PTPRD: variants seen among roughly 807,000 people sequenced by gnomAD.
The protein encoded by PTPRD is receptor-type tyrosine-protein phosphatase delta.
PTPRD carries 34 observed loss-of-function variants against 214.5 expected under a neutral mutation model. The observed-to-expected ratio is 0.16, with a 90% CI of 0.12 to 0.21. The LOEUF (loss-of-function observed/expected upper bound fraction) is 0.21. Among genes scored for constraint, PTPRD ranks in the 10% least tolerant of loss-of-function variants. The pLI is 1.00. For synonymous variants in PTPRD, 1,128 were observed against 845.7 expected (o/e 1.33, Z -5.79); for missense variants, 2,545 against 2,398.7 (o/e 1.06, Z -1.27).
rs528179308 is a variant in PTPRD at position 9,656,376 on chromosome 9, G to C, written c.-287+78157C>G. Among the ~76,000 whole-genome samples, 47 of 152,222 alleles carry C rather than the reference G, an allele frequency of 3.1e-4. 1 individual carries two copies. The South Asian group carries it at 9.7e-3, about 32-fold the overall frequency. On this transcript the variant is annotated intron_variant, in intron 7 of 45. Coordinates refer to ENST00000381196, the MANE Select transcript of PTPRD (RefSeq NM_002839.4). ...GAAACTCCAAGATGTCCTTCAGTAG[G>C]TAAATGTACAAATACACTGATACAT...
intron 44 of PTPRD, among the ~76,000 whole-genome samples, chr9:8,323,608 T>G (rs866015961): frequency 7.3e-6 from 1 of 136,938 alleles, no homozygotes; most frequent in Non-Finnish European, 1.5e-5. Context: ...AATGGTGGAA[T>G]AGCAAGATAA....
At position 8,353,509 on chromosome 9, in the gene PTPRD, C is replaced by T. The variant is rs146858920; in HGVS notation, c.4662-11531G>A. On this transcript the variant is annotated intron_variant, in intron 39 of 45. Coordinates refer to ENST00000381196, the MANE Select transcript of PTPRD (RefSeq NM_002839.4). ...GTGTGCTGGTGTGATCTCGGCTCAT[C>T]GTAAACTCCGTTTCCTGGGTTCAAG... Among the ~76,000 whole-genome samples the T allele has an allele frequency of 6.1e-4, 93 of 151,874 alleles. 1 individual carries two copies. The highest frequency in any genetic ancestry group is 1.8e-3 in the African/African-American group (75 of 41,428).
chr9:9,346,325 C>A (rs1390851827), intron 9 of PTPRD, among the ~76,000 whole-genome samples: 2 of 152,096 alleles, frequency 1.3e-5, no homozygotes, highest in African/African-American at 4.8e-5. Context: ...GGTCAATATT[C>A]ATGTGACTCA....
chr9:9,115,555 T>A (rs935504042), intron 10 of PTPRD, among the ~76,000 whole-genome samples: 1 of 152,138 alleles, frequency 6.6e-6, no homozygotes, highest in Non-Finnish European at 1.5e-5. Context: ...ACAGCCTCTA[T>A]GGAAAACAAT....
intron 8 of PTPRD, among the ~76,000 whole-genome samples, chr9:9,564,037 G>A (rs887852975): frequency 2.0e-5 from 3 of 152,038 alleles, no homozygotes; most frequent in African/African-American, 4.8e-5. Context: ...TATTTACCAA[G>A]TTTTCCAGCT....
chr9:9,538,688 C>T (rs900102215), intron 8 of PTPRD, among the ~76,000 whole-genome samples: 3 of 151,856 alleles, frequency 2.0e-5, no homozygotes, highest in Non-Finnish European at 4.4e-5. Context: ...AATATTGATG[C>T]ATTTTTAAAT....
chr9:9,528,940 T>C (rs1391599271), intron 8 of PTPRD, among the ~76,000 whole-genome samples: 3 of 144,790 alleles, frequency 2.1e-5, no homozygotes, highest in Admixed American at 1.4e-4. Flanking sequence ...GTTTGTTTCT[T>C]TTTTTTTTTT....
intron 9 of PTPRD, among the ~76,000 whole-genome samples, chr9:9,251,370 C>A (rs960022823): frequency 6.6e-6 from 1 of 152,076 alleles, no homozygotes; most frequent in Non-Finnish European, 1.5e-5. Flanking sequence ...AGCAATATAT[C>A]TTCTATATCC....
chr9:8,396,414 T>C (rs774357740), intron 36 of PTPRD, among the ~76,000 whole-genome samples: 3 of 152,134 alleles, frequency 2.0e-5, no homozygotes, highest in Non-Finnish European at 1.5e-5. Context: ...GCTACCTGTA[T>C]CTATATTCTA....
chr9:9,684,761 C>T (rs1041563023), intron 7 of PTPRD, among the ~76,000 whole-genome samples: 36 of 151,168 alleles, frequency 2.4e-4, no homozygotes, highest in African/African-American at 8.7e-4. Flanking sequence ...GGATTATTCG[C>T]TCTAATTCAG....
rs569281193 is a variant in PTPRD at position 9,030,792 on chromosome 9, GA to G, written c.-142-12058del. Among the ~76,000 whole-genome samples, 7 of 152,064 alleles carry G rather than the reference GA, an allele frequency of 4.6e-5. No individual in the cohort carries two copies. In the East Asian group the frequency reaches 1.4e-3, roughly 30 times the overall value. ...AAGATACTTAAAAGGTTATAAAAAT[GA>G]ATCCAATATGTATCCTGTATACTCT... On this transcript the variant is annotated intron_variant, in intron 10 of 45. Coordinates refer to ENST00000381196, the MANE Select transcript of PTPRD (RefSeq NM_002839.4).
chr9:10,226,371 T>C (rs1338233144), intron 3 of PTPRD, among the ~76,000 whole-genome samples: 1 of 151,872 alleles, frequency 6.6e-6, no homozygotes, highest in East Asian at 1.9e-4. Context: ...AATATAGTCC[T>C]CCCTCCAGTT....
chr9:10,347,810 C>T (rs950970900), intron 2 of PTPRD, among the ~76,000 whole-genome samples: 2 of 152,004 alleles, frequency 1.3e-5, no homozygotes, highest in African/African-American at 4.8e-5. Context: ...GTAATCCAAG[C>T]ACTTTGGGAG....
chr9:9,302,601 C>CTTTTTTTTTTTTTTTTTT (rs3047853), intron 9 of PTPRD, among the ~76,000 whole-genome samples: 5 of 111,884 alleles, frequency 4.5e-5, no homozygotes, highest in Admixed American at 1.0e-4. Context: ...TTTTTTTTTT[C>CTTTTTTTTTTTTTTTTTT]TTTTTTTTTT....
chr9:10,550,347 G>A (rs939328423), intron 2 of PTPRD, among the ~76,000 whole-genome samples: 42 of 152,186 alleles, frequency 2.8e-4, no homozygotes, highest in Non-Finnish European at 3.5e-4. Context: ...GCGTGATGCT[G>A]AGGTGTAATT....
At chr9:10,317,085 G>A (rs1291546930) in intron 3 of PTPRD, among the ~76,000 whole-genome samples, 1 of 151,898 alleles carries the variant, frequency 6.6e-6, no homozygotes, top group Non-Finnish European at 1.5e-5. Flanking sequence ...CGTACACAGT[G>A]GGTTTATTTC....
intron 14 of PTPRD, among the ~76,000 whole-genome samples, chr9:8,584,311 C>T (rs887276755): frequency 5.9e-5 from 9 of 152,088 alleles, no homozygotes; most frequent in African/African-American, 1.9e-4. Flanking sequence ...TCTATAAATA[C>T]GATGTCTTTT....
chr9:8,802,669 C>T (rs992972655), intron 11 of PTPRD, among the ~76,000 whole-genome samples: 3 of 152,116 alleles, frequency 2.0e-5, no homozygotes, highest in Admixed American at 6.6e-5. Context: ...TGTTTTTATT[C>T]GGAAAAGGCC....
chr9:10,369,350 C>A (rs1034784919), intron 2 of PTPRD, among the ~76,000 whole-genome samples: 2 of 152,024 alleles, frequency 1.3e-5, no homozygotes, highest in Non-Finnish European at 2.9e-5. Flanking sequence ...AGGTGTGCTT[C>A]AATTCTCATA....
Sources: allele counts gnomAD v4.1 joint callset (sites outside exome capture counted in the v4.1 genomes callset), GRCh38; gene constraint gnomAD v4.1.1; transcripts MANE v1.5; gene names NCBI Gene and HGNC (gene_info 2026-07-23, HGNC 2026-07-21).